Variants in IL1RAPL2 observed in about 807,000 individuals in gnomAD.
IL1RAPL2 encodes the protein interleukin 1 receptor accessory protein like 2.
In IL1RAPL2, 3 loss-of-function variants were observed where a neutral mutation model predicts 44.1. The observed-to-expected ratio is 0.07, with a 90% CI of 0.03 to 0.18. The LOEUF (loss-of-function observed/expected upper bound fraction) is 0.18. Among genes scored for constraint, IL1RAPL2 ranks in the 10% least tolerant of loss-of-function variants. The pLI is 1.00. For missense variants in IL1RAPL2, 391 were observed against 496.4 expected, an observed-to-expected ratio of 0.79 and a Z score of 2.02; for synonymous variants, 181 against 178.8, an observed-to-expected ratio of 1.01 and a Z score of -0.10.
chrX:105,391,927 T>C (rs1362661895), intron 5 of IL1RAPL2, among the ~76,000 whole-genome samples: 1 of 80,793 alleles, frequency 1.2e-5, no homozygotes, highest in Admixed American at 1.7e-4. Flanking sequence ...TTCTCACTCA[T>C]AGGTGGGAAT....
chrX:105,701,570 T>G (rs1392905046), intron 6 of IL1RAPL2, among the ~76,000 whole-genome samples: 5 of 111,126 alleles, frequency 4.5e-5, no homozygotes, highest in African/African-American at 1.6e-4. Context: ...CAGCTGTAGA[T>G]TGATGTCCCA....
Position 104,826,101 on chromosome X carries a change from A to G in IL1RAPL2, c.82+167106A>G, listed in dbSNP as rs1214029554. On this transcript the variant is annotated intron_variant, in intron 2 of 10. Transcript: ENST00000372582. ...AAATGTCTTTGGAATATTTCTGAGG[A>G]TACTATTTAGAATTTGTTTTTATGT... is the stretch of plus-strand genomic sequence containing the variant. Among the ~76,000 whole-genome samples the G allele has an allele frequency of 2.7e-5, 3 of 111,928 alleles. No individual in the cohort carries two copies. The Admixed American group carries it at 2.9e-4, about 11-fold the overall frequency.
At chrX:104,985,773 G>A (rs1320502867) in intron 2 of IL1RAPL2, among the ~76,000 whole-genome samples, 1 of 112,228 alleles carries the variant, frequency 8.9e-6, no homozygotes, top group Non-Finnish European at 1.9e-5. Context: ...CTCAGAATAA[G>A]TGAAGCATTT....
chrX:105,508,668 C>CT lies in IL1RAPL2; in HGVS notation c.772+24293dup, dbSNP rs770575995. Among the ~76,000 whole-genome samples the CT allele has an allele frequency of 8.5e-3, 848 of 100,280 alleles. 9 individuals carry two copies. Among genetic ancestry groups the CT allele is most frequent in the African/African-American group, 0.026 (720 of 27,174 alleles). 87.1% of individuals were successfully genotyped at this position (100,280 alleles called of 115,157 possible). ...GCAGAAAAGAAAAAAAAAATGAAAG[C>CT]TTTTTTTTTTTTCCTGATGACTTCT... On this transcript the variant is annotated intron_variant, in intron 6 of 10. Coordinates refer to ENST00000372582, the MANE Select transcript of IL1RAPL2 (RefSeq NM_017416.2).
At chrX:105,729,648 T>C (rs899199496) in intron 7 of IL1RAPL2, among the ~76,000 whole-genome samples, 7 of 110,520 alleles carry the variant, frequency 6.3e-5, no homozygotes, top group African/African-American at 2.3e-4. Flanking sequence ...TTTTATGGCT[T>C]AGCTATTTAT....
At chrX:105,278,218 C>A (rs1486324316) in intron 5 of IL1RAPL2, among the ~76,000 whole-genome samples, 1 of 111,450 alleles carries the variant, frequency 9.0e-6, no homozygotes, top group Admixed American at 9.6e-5. Context: ...CAAGTTAGAG[C>A]ACATGACAGC....
chrX:105,465,515 GCTTTT>G (rs1569444428), intron 5 of IL1RAPL2, among the ~76,000 whole-genome samples: 1 of 111,582 alleles, frequency 9.0e-6, no homozygotes, highest in African/African-American at 3.2e-5. Flanking sequence ...AGACAGACTT[GCTTTT>G]ACCTTAAAGG....
At chrX:105,573,637 C>A (rs2037030473) in intron 6 of IL1RAPL2, among the ~76,000 whole-genome samples, 1 of 109,777 alleles carries the variant, frequency 9.1e-6, no homozygotes, top group Non-Finnish European at 1.9e-5. Flanking sequence ...CTTAAAAAAC[C>A]AAATGGGTAG....
At chrX:105,545,004 CCT>C (rs1230040028) in intron 6 of IL1RAPL2, among the ~76,000 whole-genome samples, 2 of 111,598 alleles carry the variant, frequency 1.8e-5, no homozygotes, top group African/African-American at 6.5e-5. Context: ...GTAAGTTCTC[CCT>C]CTTTTTTGTA....
chrX:105,517,809 T>C (rs1177810645), intron 6 of IL1RAPL2, among the ~76,000 whole-genome samples: 1 of 111,250 alleles, frequency 9.0e-6, no homozygotes, highest in Non-Finnish European at 1.9e-5. Flanking sequence ...TACACTAAAA[T>C]TAAATTGCTA....
chrX:105,632,704 A>C lies in IL1RAPL2; in HGVS notation c.773-84663A>C, dbSNP rs939921336. 1.5e-4 allele frequency among the ~76,000 whole-genome samples: 17 copies of C among 111,458 alleles called. 1 individual carries two copies. The Middle Eastern group carries it at 0.019, about 123-fold the overall frequency. ...GTTCTGATAGGCTGTGGGCTCTTCTACCCTTTCATTATAATGTACTTTCAC... is the reference window on the plus strand; with the variant it reads ...GTTCTGATAGGCTGTGGGCTCTTCTCCCCTTTCATTATAATGTACTTTCAC... On this transcript the variant is annotated intron_variant, in intron 6 of 10. Transcript: ENST00000372582.
At chrX:105,756,542 T>G (rs2038641248) in intron 10 of IL1RAPL2, among the ~76,000 whole-genome samples, 1 of 111,994 alleles carries the variant, frequency 8.9e-6, no homozygotes, top group Non-Finnish European at 1.9e-5. Flanking sequence ...TAGCGTTCAT[T>G]TATGTCTGTG....
chrX:105,220,753 C>T (rs908491646), intron 3 of IL1RAPL2: 6 of 175,703 alleles, frequency 3.4e-5, no homozygotes, highest in Non-Finnish European at 6.4e-5. Context: ...CCAGAGATAC[C>T]AGGAGTGGAA....
intron 2 of IL1RAPL2, among the ~76,000 whole-genome samples, chrX:104,822,772 G>T (rs188150894): frequency 1.8e-5 from 2 of 111,623 alleles, no homozygotes; most frequent in African/African-American, 3.3e-5. Flanking sequence ...ATTTAAAGTC[G>T]TTTTTTTCAA....
intron 2 of IL1RAPL2, among the ~76,000 whole-genome samples, chrX:105,145,976 A>G (rs181398462): frequency 6.2e-4 from 69 of 111,222 alleles, no homozygotes; most frequent in Non-Finnish European, 8.9e-4. Context: ...GTGCCCTCAT[A>G]AAAGAGGCCT....
At chrX:105,202,556 T>C (rs1267146705) in intron 3 of IL1RAPL2, among the ~76,000 whole-genome samples, 1 of 112,112 alleles carries the variant, frequency 8.9e-6, no homozygotes, top group Non-Finnish European at 1.9e-5. Context: ...CTATTGCCAC[T>C]ACCTCCTATT....
At chrX:104,650,419 C>T (rs1401987107) in intron 1 of IL1RAPL2, among the ~76,000 whole-genome samples, 3 of 110,894 alleles carry the variant, frequency 2.7e-5, no homozygotes, top group Admixed American at 1.9e-4. Context: ...GAAACTTTTA[C>T]TATTGAAACA....
chrX:104,669,764 CA>C (rs1179458235), intron 2 of IL1RAPL2, among the ~76,000 whole-genome samples: 1 of 112,146 alleles, frequency 8.9e-6, no homozygotes, highest in African/African-American at 3.2e-5. Context: ...CTCTGAGTTA[CA>C]TGCATTATTT....
intron 2 of IL1RAPL2, among the ~76,000 whole-genome samples, chrX:105,039,225 A>C: frequency 8.9e-6 from 1 of 112,115 alleles, no homozygotes; most frequent in Non-Finnish European, 1.9e-5. Context: ...TGTAACTAAG[A>C]ATAATGAAGT....
Sources: allele counts gnomAD v4.1 joint callset (sites outside exome capture counted in the v4.1 genomes callset), GRCh38; gene constraint gnomAD v4.1.1; transcripts MANE v1.5; gene names NCBI Gene and HGNC (gene_info 2026-07-23, HGNC 2026-07-21).